Variants in ZMYM2 observed in about 807,000 individuals in gnomAD.
The protein encoded by ZMYM2 is zinc finger MYM-type containing 2.
ZMYM2 carries 56 observed loss-of-function variants against 162.8 expected under a neutral mutation model. That is an observed-to-expected ratio of 0.34 (90% CI 0.28 to 0.43). The LOEUF (loss-of-function observed/expected upper bound fraction) is 0.43, where lower values mean the gene tolerates loss of function less well. ZMYM2 is among the 20% of genes least tolerant of loss of function. The pLI, the probability that ZMYM2 is intolerant of heterozygous loss-of-function variation, is 1.00. For synonymous variants in ZMYM2, 510 were observed against 541.6 expected (o/e 0.94, Z 0.81); for missense variants, 1,275 against 1,621.8 (o/e 0.79, Z 3.67).
intron 12 of ZMYM2, among the ~76,000 whole-genome samples, chr13:20,049,883 C>G (rs1288654004): frequency 6.6e-6 from 1 of 151,946 alleles, no homozygotes; most frequent in African/African-American, 2.4e-5. Context: ...GCTTCCATTT[C>G]CTTCCTTTAT....
At chr13:20,029,604 G>T (rs181840531) in intron 9 of ZMYM2, among the ~76,000 whole-genome samples, 7 of 152,004 alleles carry the variant, frequency 4.6e-5, no homozygotes, top group African/African-American at 1.7e-4. Flanking sequence ...TTTTAAAAAT[G>T]GTAGTTTTTT....
chr13:20,075,856 GT>G lies in ZMYM2; in HGVS notation c.3454-6152del, dbSNP rs199799135. 3.2e-3 allele frequency among the ~76,000 whole-genome samples: 476 copies of G among 150,896 alleles called. 3 individuals carry two copies. Among genetic ancestry groups the G allele is most frequent in the East Asian group, 0.017 (88 of 5,108 alleles). On this transcript the variant is annotated intron_variant, in intron 21 of 24. Coordinates refer to ENST00000610343, the MANE Select transcript of ZMYM2 (RefSeq NM_197968.4). ...TGAGCCACCATTCCTGGCTAGTTGG[GT>G]TTTTTTTCCCCCCCATCCCGTAGAG...
chr13:19,970,244 T>C (rs547410166), intron 2 of ZMYM2, among the ~76,000 whole-genome samples: 2 of 152,296 alleles, frequency 1.3e-5, no homozygotes, highest in South Asian at 2.1e-4. Context: ...TGAAGTTTAT[T>C]TATGCTGTTG....
chr13:20,049,779 G>C (rs1034736128), intron 12 of ZMYM2, among the ~76,000 whole-genome samples: 6 of 151,964 alleles, frequency 3.9e-5, no homozygotes, highest in African/African-American at 1.2e-4. Flanking sequence ...CAATGGGTTT[G>C]GCTTTTATTT....
At chr13:19,984,981 A>G (rs1594177093) in intron 2 of ZMYM2, among the ~76,000 whole-genome samples, 1 of 152,370 alleles carries the variant, frequency 6.6e-6, no homozygotes, top group African/African-American at 2.4e-5. Context: ...AAGGAGCCAA[A>G]TAACTTATAT....
chr13:19,990,088 C>T (rs1311033339), intron 2 of ZMYM2, among the ~76,000 whole-genome samples: 1 of 152,198 alleles, frequency 6.6e-6, no homozygotes, highest in Non-Finnish European at 1.5e-5. Context: ...GATTGTATCA[C>T]CTCTTTGCTG....
At chr13:20,003,870 A>G (rs1215562999) in intron 4 of ZMYM2, among the ~76,000 whole-genome samples, 7 of 152,106 alleles carry the variant, frequency 4.6e-5, no homozygotes, top group African/African-American at 1.7e-4. Context: ...ACTGGTCTTC[A>G]GCTCCTGACC....
chr13:19,912,895 A>T, the ZMYM2 span, among the ~76,000 whole-genome samples: 1 of 152,190 alleles, frequency 6.6e-6, no homozygotes. Context: ...CCTGCCCCCA[A>T]CTATAACCAA....
chr13:19,880,898 G>T, the ZMYM2 span, among the ~76,000 whole-genome samples: 29 of 117,360 alleles, frequency 2.5e-4, no homozygotes, highest in African/African-American at 6.3e-4. Flanking sequence ...TTTGTTTTTT[G>T]TTTTTTTTTT....
intron 12 of ZMYM2, among the ~76,000 whole-genome samples, chr13:20,042,411 A>G (rs937110831): frequency 6.6e-6 from 1 of 152,076 alleles, no homozygotes; most frequent in Non-Finnish European, 1.5e-5. Flanking sequence ...CTATCAGGTC[A>G]GTTACATTCT....
chr13:20,017,474 C>T (rs1457365820), intron 6 of ZMYM2, among the ~76,000 whole-genome samples: 2 of 152,120 alleles, frequency 1.3e-5, no homozygotes, highest in Non-Finnish European at 2.9e-5. Context: ...TTTATCCTTC[C>T]TAGTGTTTGC....
the ZMYM2 span, among the ~76,000 whole-genome samples, chr13:19,907,859 C>T: frequency 1.3e-5 from 2 of 148,426 alleles, no homozygotes; most frequent in Non-Finnish European, 3.0e-5. Flanking sequence ...AGACTTTATA[C>T]GAAAAGAGAA....
At chr13:20,040,315 G>A (rs970154810) in intron 12 of ZMYM2, among the ~76,000 whole-genome samples, 1 of 152,092 alleles carries the variant, frequency 6.6e-6, no homozygotes, top group Non-Finnish European at 1.5e-5. Flanking sequence ...CTCAGTCTTG[G>A]GAGGGTGTAT....
chr13:20,083,497 A>G lies in ZMYM2; in HGVS notation c.3821-159A>G, dbSNP rs181594787. On this transcript the variant is annotated intron_variant, in intron 23 of 24. Coordinates refer to ENST00000610343, the MANE Select transcript of ZMYM2 (RefSeq NM_197968.4). ...GACAACCTATGTCTTAAGATGTCTCAGTTCCTTTTGTTTGAAAAATTGTAC... is the reference window on the plus strand; with the variant it reads ...GACAACCTATGTCTTAAGATGTCTCGGTTCCTTTTGTTTGAAAAATTGTAC... The G allele has an allele frequency of 5.9e-3, 3,602 of 613,882 alleles. 19 individuals carry two copies. Among genetic ancestry groups the G allele is most frequent in the South Asian group, 8.6e-3 (396 of 46,308 alleles). 38.0% of individuals were successfully genotyped at this position (613,882 alleles called of 1,614,324 possible). A position where few individuals can be genotyped will look rare whatever the true frequency, so the allele number is the denominator to read the frequency against.
chr13:19,967,819 ACTGT>A (rs1402119356), intron 2 of ZMYM2, among the ~76,000 whole-genome samples: 1 of 152,114 alleles, frequency 6.6e-6, no homozygotes, highest in African/African-American at 2.4e-5. Context: ...CAATTCTTAA[ACTGT>A]CTGTTTATAT....
chr13:19,926,499 G>C, the ZMYM2 span, among the ~76,000 whole-genome samples: 1 of 151,494 alleles, frequency 6.6e-6, no homozygotes, highest in African/African-American at 2.4e-5. Context: ...GAGTAGCTGG[G>C]ATTACGGGCA....
At position 20,088,562 on chromosome 13, in the gene ZMYM2, A is replaced by G; in HGVS notation, c.*2548A>G. 5.1e-6 allele frequency: 1 copy of G among 197,146 alleles called. No individual in the cohort carries two copies. Among genetic ancestry groups the G allele is most frequent in the East Asian group, 8.0e-5 (1 of 12,496 alleles). 12.2% of individuals were successfully genotyped at this position (197,146 alleles called of 1,614,324 possible). ...ATTGAATCTTCATTAACACATTTTA[A>G]AAGGCTTTACTGTATTAGGTAACAT... On this transcript the variant is annotated 3_prime_UTR_variant, in exon 25 of 25. Transcript: ENST00000610343.
chr13:20,080,373 G>T (rs1400947960), intron 21 of ZMYM2, among the ~76,000 whole-genome samples: 1 of 152,056 alleles, frequency 6.6e-6, no homozygotes, highest in African/African-American at 2.4e-5. Flanking sequence ...TGTATACATG[G>T]TGTACATTTT....
chr13:20,080,585 G>A (rs751471094), intron 21 of ZMYM2, among the ~76,000 whole-genome samples: 5 of 151,854 alleles, frequency 3.3e-5, no homozygotes, highest in Admixed American at 1.3e-4. Context: ...GACCTCCCAG[G>A]CTCAAGTGAT....
Sources: allele counts gnomAD v4.1 joint callset (sites outside exome capture counted in the v4.1 genomes callset), GRCh38; gene constraint gnomAD v4.1.1; transcripts MANE v1.5; gene names NCBI Gene and HGNC (gene_info 2026-07-23, HGNC 2026-07-21).